NCAM2: variants seen among roughly 807,000 people sequenced by gnomAD.
The protein encoded by NCAM2 is neural cell adhesion molecule 2, also known as N-CAM-2.
NCAM2 carries 30 observed loss-of-function variants against 98.1 expected under a neutral mutation model. The observed-to-expected ratio is 0.31, with a 90% CI of 0.23 to 0.41. The LOEUF is 0.41. NCAM2 is among the 10% of genes least tolerant of loss of function. The pLI, the probability that NCAM2 is intolerant of heterozygous loss-of-function variation, is 1.00. For missense variants in NCAM2, 867 were observed against 1,005.8 expected, an observed-to-expected ratio of 0.86 and a Z score of 1.87; for synonymous variants, 368 against 342.4, an observed-to-expected ratio of 1.07 and a Z score of -0.83.
At chr21:21,279,260 G>A (rs1307368773) in intron 1 of NCAM2, among the ~76,000 whole-genome samples, 3 of 152,152 alleles carry the variant, frequency 2.0e-5, no homozygotes, top group African/African-American at 7.2e-5. Context: ...CTTGGGGGAG[G>A]CAAGTTTCCT....
At chr21:21,372,671 T>C (rs1345463006) in intron 8 of NCAM2, among the ~76,000 whole-genome samples, 1 of 151,870 alleles carries the variant, frequency 6.6e-6, no homozygotes, top group African/African-American at 2.4e-5. Flanking sequence ...AAATGCATAT[T>C]GTGCATCATT....
intron 1 of NCAM2, among the ~76,000 whole-genome samples, chr21:21,278,174 TC>T (rs2072799611): frequency 6.6e-6 from 1 of 151,950 alleles, no homozygotes; most frequent in South Asian, 2.1e-4. Flanking sequence ...CCTTTTTTTT[TC>T]AAACTTGTAA....
At chr21:21,400,445 T>C (rs1602225076) in intron 9 of NCAM2, among the ~76,000 whole-genome samples, 1 of 152,254 alleles carries the variant, frequency 6.6e-6, no homozygotes. Context: ...TATATAGTAA[T>C]GCACAATTTT....
chr21:21,279,733 T>C (rs1235472838), intron 1 of NCAM2, among the ~76,000 whole-genome samples: 1 of 152,156 alleles, frequency 6.6e-6, no homozygotes, highest in African/African-American at 2.4e-5. Context: ...AGCATTTTGG[T>C]TACTATGATC....
intron 10 of NCAM2, among the ~76,000 whole-genome samples, chr21:21,414,534 G>A (rs1352484871): frequency 1.4e-5 from 2 of 148,064 alleles, no homozygotes; most frequent in African/African-American, 5.0e-5. Context: ...GCAATGGCAC[G>A]ATCTCCACTC....
At chr21:21,354,367 G>A (rs1199804914) in intron 8 of NCAM2, among the ~76,000 whole-genome samples, 3 of 152,056 alleles carry the variant, frequency 2.0e-5, no homozygotes, top group African/African-American at 7.2e-5. Flanking sequence ...GTATTCATGT[G>A]CTGCCTGAAC....
At chr21:21,489,796 C>T (rs1986696745) in intron 15 of NCAM2, among the ~76,000 whole-genome samples, 1 of 151,948 alleles carries the variant, frequency 6.6e-6, no homozygotes, top group Admixed American at 6.6e-5. Context: ...TATATTTCCA[C>T]AGTAAATTTT....
chr21:21,381,066 A>G (rs913955733), intron 9 of NCAM2, among the ~76,000 whole-genome samples: 1 of 152,248 alleles, frequency 6.6e-6, no homozygotes, highest in Non-Finnish European at 1.5e-5. Context: ...TTTAGGCAGC[A>G]TATGATAGAA....
intron 1 of NCAM2, among the ~76,000 whole-genome samples, chr21:21,276,490 G>A (rs1204126054): frequency 6.6e-6 from 1 of 151,970 alleles, no homozygotes; most frequent in Admixed American, 6.6e-5. Flanking sequence ...AGAAATTTGT[G>A]ATGATATTTA....
rs117498473 is a variant in NCAM2, at chr21:21,308,258, G to A, written c.619+16017G>A. Among the ~76,000 whole-genome samples, 10 of 152,152 alleles carry A rather than the reference G, an allele frequency of 6.6e-5. No individual in the cohort carries two copies. The East Asian group carries it at 1.9e-3, about 29-fold the overall frequency. ...AAATCCAGATTTCTATCTGGTATAA[G>A]TTCCCAGATGCTTGAATGACTTCCT... is the stretch of plus-strand genomic sequence containing the variant. On this transcript the variant is annotated intron_variant, in intron 5 of 17. Coordinates refer to ENST00000400546, the MANE Select transcript of NCAM2 (RefSeq NM_004540.5).
At chr21:21,108,721 C>A (rs1039998121) in intron 1 of NCAM2, among the ~76,000 whole-genome samples, 2 of 151,998 alleles carry the variant, frequency 1.3e-5, no homozygotes, top group Admixed American at 6.6e-5. Flanking sequence ...ACATTTCTAC[C>A]AGGATTCAAA....
intron 1 of NCAM2, among the ~76,000 whole-genome samples, chr21:21,142,230 T>A (rs1448042778): frequency 2.0e-5 from 3 of 152,168 alleles, no homozygotes; most frequent in African/African-American, 7.2e-5. Context: ...TTCCTGTCCA[T>A]AGAGTATATC....
intron 1 of NCAM2, among the ~76,000 whole-genome samples, chr21:21,200,086 T>C (rs981124839): frequency 6.6e-6 from 1 of 152,018 alleles, no homozygotes; most frequent in African/African-American, 2.4e-5. Context: ...TCTTTTTAAT[T>C]CTCAAGGAGG....
chr21:21,294,644 A>G (rs1249616246), intron 5 of NCAM2, among the ~76,000 whole-genome samples: 1 of 151,812 alleles, frequency 6.6e-6, no homozygotes, highest in African/African-American at 2.4e-5. Context: ...TCAGGTATCA[A>G]TTGATTTCCG....
intron 12 of NCAM2, among the ~76,000 whole-genome samples, chr21:21,434,162 G>A (rs2077416938): frequency 1.3e-5 from 2 of 152,166 alleles, no homozygotes; most frequent in Admixed American, 6.5e-5. Flanking sequence ...TAATAACAAA[G>A]CACATTCGTT....
intron 1 of NCAM2, among the ~76,000 whole-genome samples, chr21:21,123,848 C>CTTTTTTTTTTTTTTGTTTTTTTT (rs2066728386): frequency 1.2e-5 from 1 of 86,656 alleles, no homozygotes. Flanking sequence ...TTCTTGATTG[C>CTTTTTTTTTTTTTTGTTTTTTTT]TTTTTTTTTT....
At chr21:21,441,791 T>C (rs1442833611) in intron 12 of NCAM2, among the ~76,000 whole-genome samples, 1 of 152,136 alleles carries the variant, frequency 6.6e-6, no homozygotes, top group African/African-American at 2.4e-5. Context: ...GCCCTTAGGC[T>C]GGAGTGGGCT....
At chr21:21,441,369 A>G (rs1005959256) in intron 12 of NCAM2, among the ~76,000 whole-genome samples, 2 of 152,208 alleles carry the variant, frequency 1.3e-5, no homozygotes, top group Non-Finnish European at 2.9e-5. Context: ...AATGATGATT[A>G]TCTTCATTTA....
At chr21:21,146,126 T>C (rs1181332843) in intron 1 of NCAM2, among the ~76,000 whole-genome samples, 1 of 152,174 alleles carries the variant, frequency 6.6e-6, no homozygotes, top group Non-Finnish European at 1.5e-5. Flanking sequence ...ATTGTAAAAA[T>C]TTTAAAAGGT....
Sources: gnomAD v4.1 joint callset for allele counts (sites outside exome capture counted in the v4.1 genomes callset) on GRCh38, gnomAD v4.1.1 for gene constraint, MANE v1.5 for transcripts, NCBI Gene and HGNC (gene_info 2026-07-23, HGNC 2026-07-21) for gene names.